DYNLL1: variants seen among roughly 807,000 people sequenced by gnomAD.
DYNLL1 encodes dynein light chain 1, cytoplasmic.
In DYNLL1, 3 loss-of-function variants were observed where a neutral mutation model predicts 10.1. The observed-to-expected ratio is 0.30, with a 90% CI of 0.14 to 0.77. DYNLL1 has a LOEUF of 0.77. Ranked by LOEUF, DYNLL1 falls within the 30% of genes least tolerant of loss-of-function variation. The pLI, the probability that DYNLL1 is intolerant of heterozygous loss-of-function variation, is 0.66. For missense variants in DYNLL1, 47 were observed against 111.7 expected (o/e 0.42, Z 2.61); for synonymous variants, 46 against 41.2 (o/e 1.12, Z -0.45).
intron 1 of DYNLL1, among the ~76,000 whole-genome samples, chr12:120,484,116 A>G (rs1878942395): frequency 6.6e-6 from 1 of 152,158 alleles, no homozygotes; most frequent in Non-Finnish European, 1.5e-5. Flanking sequence ...TGGTAGCTAC[A>G]GGAGAATGTG....
chr12:120,474,051 C>T (rs1324971620), intron 1 of DYNLL1, among the ~76,000 whole-genome samples: 1 of 151,764 alleles, frequency 6.6e-6, no homozygotes, highest in Non-Finnish European at 1.5e-5. Flanking sequence ...ACTGGTGTGA[C>T]TGGGGCAAGG....
chr12:120,497,186 C>T (rs1868473285), intron 2 of DYNLL1: 1 of 156,268 alleles, frequency 6.4e-6, no homozygotes, highest in Non-Finnish European at 1.4e-5. Flanking sequence ...CTTGCAAGAG[C>T]GTTACTCCCC....
chr12:120,475,868 C>A (rs2137057486), intron 1 of DYNLL1, among the ~76,000 whole-genome samples: 1 of 152,218 alleles, frequency 6.6e-6, no homozygotes, highest in East Asian at 1.9e-4. Context: ...TTAGTAAACA[C>A]CTGTTGATTT....
At chr12:120,484,321 G>A (rs1014745197) in intron 1 of DYNLL1, among the ~76,000 whole-genome samples, 4 of 133,894 alleles carry the variant, frequency 3.0e-5, no homozygotes, top group African/African-American at 1.1e-4. Flanking sequence ...AACGGCAAGG[G>A]AGGCAGAATG....
chr12:120,474,417 C>T (rs1222133708), intron 1 of DYNLL1, among the ~76,000 whole-genome samples: 2 of 147,680 alleles, frequency 1.4e-5, no homozygotes, highest in Non-Finnish European at 3.0e-5. Flanking sequence ...GAGTGTAGGG[C>T]AGTGCCCAAC....
At chr12:120,469,882 G>A (rs1039223420) in exon 1 of DYNLL1, 1 of 237,486 alleles carries the variant, frequency 4.2e-6, no homozygotes, top group Middle Eastern at 1.4e-3. Flanking sequence ...CGGGCCGTGT[G>A]GATGCCATCC....
At chr12:120,472,246 T>C (rs1157329155) in intron 1 of DYNLL1, among the ~76,000 whole-genome samples, 1 of 152,232 alleles carries the variant, frequency 6.6e-6, no homozygotes, top group East Asian at 1.9e-4. Context: ...CAGTGATTTC[T>C]ATGTTTTTAT....
At chr12:120,476,450 A>G (rs559818522) in intron 1 of DYNLL1, among the ~76,000 whole-genome samples, 87 of 152,236 alleles carry the variant, frequency 5.7e-4, no homozygotes, top group African/African-American at 2.0e-3. Context: ...CTCAGCCAGC[A>G]CATGTGCAGG....
chr12:120,497,486 G>A (rs2137072568), intron 2 of DYNLL1: 1 of 152,636 alleles, frequency 6.6e-6, no homozygotes, highest in East Asian at 1.9e-4. Flanking sequence ...CCAGTTGACA[G>A]ATTCTGTTTC....
intron 1 of DYNLL1, among the ~76,000 whole-genome samples, chr12:120,480,393 G>A (rs1878855731): frequency 6.6e-6 from 1 of 152,196 alleles, no homozygotes; most frequent in Non-Finnish European, 1.5e-5. Context: ...AGGGGACAAA[G>A]TGTCTGCCTC....
chr12:120,496,055 C>G (rs561428419), upstream of DYNLL1: 4 of 369,762 alleles, frequency 1.1e-5, no homozygotes, highest in East Asian at 2.4e-4. Context: ...GGGGCGGGGC[C>G]GGCGGGAGCA....
chr12:120,484,670 C>T (rs1416043815), intron 1 of DYNLL1, among the ~76,000 whole-genome samples: 2 of 150,962 alleles, frequency 1.3e-5, no homozygotes, highest in Non-Finnish European at 2.9e-5. Context: ...AGCACTGTTA[C>T]AATACTGAAA....
At chr12:120,492,243 G>C (rs4767903), upstream of DYNLL1, 1 of 151,984 alleles carries the variant, frequency 6.6e-6, no homozygotes, top group African/African-American at 2.4e-5. This position sits in a 1 kb window ranked among gnomAD's most constrained non-coding sequence, Gnocchi z 4.1. Context: ...TTATTATACC[G>C]TGGCTAGGTC....
At chr12:120,488,539 T>A (rs1267558658) in intron 1 of DYNLL1, 1 of 152,182 alleles carries the variant, frequency 6.6e-6, no homozygotes, top group Non-Finnish European at 1.5e-5. Flanking sequence ...GGATAGGAAC[T>A]GTGTCTGACT....
chr12:120,487,645 C>T (rs532034163), intron 1 of DYNLL1, among the ~76,000 whole-genome samples: 2 of 152,224 alleles, frequency 1.3e-5, no homozygotes, highest in African/African-American at 4.8e-5. Flanking sequence ...AGGGGGTGGG[C>T]TAGCTTGAAG....
At chr12:120,496,264 C>T in intron 1 of DYNLL1, 48 bp downstream of exon 1, 1 of 1,159,766 alleles carries the variant, frequency 8.6e-7, no homozygotes, top group Non-Finnish European at 1.2e-6. Flanking sequence ...CTTATTTCGC[C>T]CCACTCCGGA....
At chr12:120,477,937 G>GCCA (rs1416252898) in intron 1 of DYNLL1, among the ~76,000 whole-genome samples, 1 of 151,592 alleles carries the variant, frequency 6.6e-6, no homozygotes, top group Non-Finnish European at 1.5e-5. Flanking sequence ...ACAGGCATAC[G>GCCA]CCACCATGCC....
At chr12:120,476,961 G>A (rs974814425) in intron 1 of DYNLL1, among the ~76,000 whole-genome samples, 25 of 144,658 alleles carry the variant, frequency 1.7e-4, no homozygotes, top group South Asian at 6.6e-4. Flanking sequence ...ACGGAGTCTC[G>A]CTCTGTTGCC....
intron 2 of DYNLL1, 191 bp downstream of exon 2, chr12:120,496,744 T>A: frequency 1.7e-6 from 1 of 582,936 alleles, no homozygotes; most frequent in Non-Finnish European, 2.7e-6. Context: ...GTCCGAAGTT[T>A]TTTTTTTTTT....
Sources: allele counts gnomAD v4.1 joint callset (sites outside exome capture counted in the v4.1 genomes callset), GRCh38; gene constraint gnomAD v4.1.1; non-coding constraint Gnocchi (gnomAD v3.1); transcripts MANE v1.5; gene names NCBI Gene and HGNC (gene_info 2026-07-23, HGNC 2026-07-21).